Variants in DAB1 observed in about 807,000 individuals in gnomAD.
DAB1 encodes the protein DAB adaptor protein 1.
Under a neutral mutation model 64.6 loss-of-function variants are expected in DAB1, and 15 were observed. The ratio of observed to expected loss-of-function variants is 0.23; its 90% CI spans 0.16 to 0.36. The LOEUF (loss-of-function observed/expected upper bound fraction) is 0.36, where lower values mean the gene tolerates loss of function less well. Ranked by LOEUF, DAB1 falls within the 10% of genes least tolerant of loss-of-function variation. The probability of loss-of-function intolerance (pLI) is 1.00; values close to 1 mark genes in which losing one functional copy is unlikely to be tolerated. For synonymous variants in DAB1, 235 were observed against 251.9 expected (o/e 0.93, Z 0.64); for missense variants, 596 against 706.7 (o/e 0.84, Z 1.78).
chr1:57,537,138 T>C lies in DAB1; in HGVS notation n.625+112454A>G, dbSNP rs527762512. 1.8e-4 allele frequency among the ~76,000 whole-genome samples: 28 copies of C among 152,360 alleles called. No individual in the cohort carries two copies. The South Asian group carries it at 4.1e-3, about 23-fold the overall frequency. On this transcript the variant is annotated intron_variant and non_coding_transcript_variant, in intron 7 of 20. Transcript: ENST00000485760. ...AATACGTCATTCAAATTAACTTTAC[T>C]TGTTTCTTTTTACTTTTTAAATGTG...
At chr1:58,152,620 A>G (rs1655004558) in intron 4 of DAB1, among the ~76,000 whole-genome samples, 1 of 152,230 alleles carries the variant, frequency 6.6e-6, no homozygotes, top group Non-Finnish European at 1.5e-5. Flanking sequence ...GAGCTCTATC[A>G]TGCTAATCCC....
chr1:57,732,431 C>T (rs1463690947), intron 6 of DAB1, among the ~76,000 whole-genome samples: 1 of 152,182 alleles, frequency 6.6e-6, no homozygotes, highest in Non-Finnish European at 1.5e-5. Context: ...CGGAGAGAGG[C>T]TCATCAGTGT....
At chr1:57,140,461 A>G (rs1658492102) in intron 3 of DAB1, among the ~76,000 whole-genome samples, 1 of 152,154 alleles carries the variant, frequency 6.6e-6, no homozygotes, top group South Asian at 2.1e-4. Context: ...GAATCCTTCT[A>G]CTACAATCCT....
intron 7 of DAB1, among the ~76,000 whole-genome samples, chr1:57,533,924 C>A (rs532049844): frequency 1.3e-5 from 2 of 152,140 alleles, no homozygotes; most frequent in African/African-American, 4.8e-5. Flanking sequence ...ATTAGGGGAA[C>A]CAATTCTATT....
chr1:58,358,655 G>A (rs1644133443), intron 3 of DAB1, among the ~76,000 whole-genome samples: 1 of 152,124 alleles, frequency 6.6e-6, no homozygotes, highest in African/African-American at 2.4e-5. Flanking sequence ...ATAAAAGACA[G>A]GGCTTTGAAA....
At chr1:57,830,604 G>T (rs1340166603) in intron 1 of DAB1, among the ~76,000 whole-genome samples, 2 of 151,938 alleles carry the variant, frequency 1.3e-5, no homozygotes, top group South Asian at 4.2e-4. Flanking sequence ...TATATATATA[G>T]TTCCCTGTGC....
chr1:57,396,629 T>G (rs1168795278), intron 1 of DAB1, among the ~76,000 whole-genome samples: 1 of 152,200 alleles, frequency 6.6e-6, no homozygotes, highest in African/African-American at 2.4e-5. Flanking sequence ...GAAATCGCAC[T>G]GGTTCAAACC....
intron 2 of DAB1, among the ~76,000 whole-genome samples, chr1:57,229,423 G>A (rs1667508859): frequency 6.6e-6 from 1 of 151,656 alleles, no homozygotes; most frequent in Non-Finnish European, 1.5e-5. Flanking sequence ...TCAAACTCCT[G>A]GGCTCAAGCA....
intron 3 of DAB1, among the ~76,000 whole-genome samples, chr1:58,471,583 G>A (rs768408622): frequency 1.3e-5 from 2 of 152,118 alleles, no homozygotes; most frequent in South Asian, 2.1e-4. Context: ...ATCTCATGTC[G>A]AATTGTATGT....
Position 57,033,446 on chromosome 1 carries a change from G to A in DAB1, c.724-7403C>T, listed in dbSNP as rs570948364. 435 of 1,612,844 alleles carry A rather than the reference G, an allele frequency of 2.7e-4. 4 individuals carry two copies. In the South Asian group the frequency reaches 4.6e-3, roughly 17 times the overall value. On this transcript the variant is annotated intron_variant, in intron 9 of 14. Coordinates refer to ENST00000371236, the MANE Select transcript of DAB1 (RefSeq NM_001365792.1). ...GCAGGTTTCTGTTCTGTAACCACAA[G>A]GCATGACTGATGAGCATGAAATGAA...
intron 1 of DAB1, among the ~76,000 whole-genome samples, chr1:57,391,808 CACACAGAG>C (rs1447934145): frequency 3.5e-4 from 48 of 136,252 alleles, no homozygotes; most frequent in African/African-American, 1.4e-3. Flanking sequence ...CACACACACA[CACACAGAG>C]AGAGGAGAGA....
intron 4 of DAB1, among the ~76,000 whole-genome samples, chr1:57,101,130 A>G (rs967888912): frequency 3.9e-5 from 6 of 152,132 alleles, no homozygotes; most frequent in African/African-American, 1.2e-4. Context: ...TACCCCTGGC[A>G]TGGTACTGGG....
chr1:57,293,396 C>T (rs916125552), intron 1 of DAB1, among the ~76,000 whole-genome samples: 2 of 152,168 alleles, frequency 1.3e-5, no homozygotes, highest in African/African-American at 4.8e-5. Context: ...GTTACTCAAC[C>T]TTGTCTTTGC....
At chr1:58,103,831 T>A (rs1651475114) in intron 5 of DAB1, among the ~76,000 whole-genome samples, 2 of 152,112 alleles carry the variant, frequency 1.3e-5, no homozygotes, top group African/African-American at 4.8e-5. Context: ...TTTTTGTCCA[T>A]TCCTCCAATG....
intron 6 of DAB1, among the ~76,000 whole-genome samples, chr1:57,714,413 T>C (rs1164810419): frequency 6.6e-6 from 1 of 152,136 alleles, no homozygotes; most frequent in Non-Finnish European, 1.5e-5. Flanking sequence ...TATCAGTCTA[T>C]CTATGGTAAG....
intron 11 of DAB1, among the ~76,000 whole-genome samples, chr1:57,022,715 T>C (rs1360431703): frequency 6.6e-6 from 1 of 152,248 alleles, no homozygotes; most frequent in Non-Finnish European, 1.5e-5. Flanking sequence ...TTGCCATTTA[T>C]AAGAATAAAG....
intron 4 of DAB1, among the ~76,000 whole-genome samples, chr1:57,102,754 G>GA (rs1224222926): frequency 4.0e-5 from 6 of 151,696 alleles, no homozygotes; most frequent in African/African-American, 7.3e-5. Flanking sequence ...GTTTTAAATG[G>GA]AAAAAAAATG....
intron 1 of DAB1, among the ~76,000 whole-genome samples, chr1:58,529,595 G>C (rs1646401730): frequency 6.6e-6 from 1 of 152,192 alleles, no homozygotes; most frequent in Non-Finnish European, 1.5e-5. Context: ...TGGCAAAGTA[G>C]CTTTAGCCAA....
At chr1:57,243,975 A>G (rs771811060) in intron 2 of DAB1, among the ~76,000 whole-genome samples, 2 of 152,226 alleles carry the variant, frequency 1.3e-5, no homozygotes, top group Non-Finnish European at 2.9e-5. Context: ...ATTCTTGAAC[A>G]TAATCCACTT....
Sources: gnomAD v4.1 joint callset for allele counts (sites outside exome capture counted in the v4.1 genomes callset) on GRCh38, gnomAD v4.1.1 for gene constraint, MANE v1.5 for transcripts, NCBI Gene and HGNC (gene_info 2026-07-23, HGNC 2026-07-21) for gene names.